MLXIPL: variants seen among roughly 807,000 people sequenced by gnomAD.
The protein encoded by MLXIPL is carbohydrate-responsive element-binding protein.
A neutral mutation model predicts 81.5 loss-of-function variants in MLXIPL; 49 were observed. The ratio of observed to expected loss-of-function variants is 0.60; its 90% CI spans 0.48 to 0.76. MLXIPL has a LOEUF of 0.76. MLXIPL is among the 30% of genes least tolerant of loss of function. The probability of loss-of-function intolerance (pLI) is 0.00; values close to 1 mark genes in which losing one functional copy is unlikely to be tolerated. For synonymous variants in MLXIPL, 466 were observed against 485.5 expected (o/e 0.96, Z 0.53); for missense variants, 1,053 against 1,167.0 (o/e 0.90, Z 1.42).
At chr7:73,595,600 C>T (rs1554593328) in intron 15 of MLXIPL, 37 bp downstream of exon 15, 2 of 1,613,930 alleles carry the variant, frequency 1.2e-6, no homozygotes, top group Non-Finnish European at 1.7e-6. Context: ...TGCCACAGCC[C>T]CTGCAGCCCC....
At chr7:73,637,994 A>G in the MLXIPL span, among the ~76,000 whole-genome samples, 1 of 152,036 alleles carries the variant, frequency 6.6e-6, no homozygotes, top group Non-Finnish European at 1.5e-5. Context: ...ATCCTTCTCT[A>G]TGTTCTTCCT....
chr7:73,593,448 C>G lies in MLXIPL; in HGVS notation c.*417G>C. Reference sequence around the variant, plus strand: ...TCAGGAACAGAGGTCTGTGCCCCACCTGTCGGGGAGCAAGTGGAGGTGACA... The same window carrying G: ...TCAGGAACAGAGGTCTGTGCCCCACGTGTCGGGGAGCAAGTGGAGGTGACA... On this transcript the variant is annotated 3_prime_UTR_variant, in exon 17 of 17. Coordinates refer to ENST00000313375, the MANE Select transcript of MLXIPL (RefSeq NM_032951.3). 1.0e-5 allele frequency: 3 copies of G among 294,058 alleles called. No individual in the cohort carries two copies. The East Asian group carries it at 2.6e-4, about 25-fold the overall frequency. The allele number at this position is 294,058 out of a possible 1,614,324, so 18.2% of individuals were successfully genotyped here.
At chr7:73,624,523 G>T, upstream of MLXIPL, 1 of 1,509,698 alleles carries the variant, frequency 6.6e-7, no homozygotes. Context: ...CCTGGTCCCT[G>T]CTCCGCGCAG....
chr7:73,594,425 G>A (rs1554592983), intron 15 of MLXIPL, 22 bp from the exon 16 acceptor site: 1 of 1,599,760 alleles, frequency 6.3e-7, no homozygotes, highest in East Asian at 2.2e-5. Context: ...TCAAGGAGCT[G>A]CCTGTGGTCC....
In MLXIPL at chr7:73,609,554, T is replaced by TTGTGTGTGTGTGTGTGTGTG. The variant is rs34460340; in HGVS notation, c.401-1902_401-1883dup. ...GCCACCTCACCGGGCCCTGGCCGCTTTGTGTGTGTGTGTGTGTGTGTGTGT... is the reference window on the plus strand; with the variant it reads ...GCCACCTCACCGGGCCCTGGCCGCTTTGTGTGTGTGTGTGTGTGTGTGTGTGTGTGTGTGTGTGTGTGTGT... On this transcript the variant is annotated intron_variant, in intron 2 of 16. Coordinates refer to ENST00000313375, the MANE Select transcript of MLXIPL (RefSeq NM_032951.3). The TTGTGTGTGTGTGTGTGTGTG allele has an allele frequency of 4.7e-4, 68 of 145,628 alleles. 1 individual carries two copies. The highest frequency in any genetic ancestry group is 1.7e-3 in the African/African-American group (67 of 39,268). The allele number at this position is 145,628 out of a possible 1,614,324, so 9.0% of individuals were successfully genotyped here.
rs868936350 is a variant in MLXIPL, at chr7:73,597,176, C to T, written c.1603+6G>A. 3.1e-6 allele frequency: 5 copies of T among 1,600,004 alleles called. No homozygotes were observed. The highest frequency in any genetic ancestry group is 4.3e-6 in the Non-Finnish European group (5 of 1,175,896). On this transcript the variant is annotated splice_donor_region_variant and intron_variant, in intron 9 of 16. Transcript: ENST00000313375. ...AGGCTTTCCTCTCCCCGTTGCTGGC[C>T]CTCACCTGCTGTGAGCAGCTGTGTG... is the stretch of plus-strand genomic sequence containing the variant.
At chr7:73,601,052 G>T (rs1554596075) in intron 7 of MLXIPL, among the ~76,000 whole-genome samples, 3 of 151,680 alleles carry the variant, frequency 2.0e-5, no homozygotes, top group African/African-American at 7.3e-5. Flanking sequence ...CCAGCTCCCA[G>T]TTTTTTCCCT....
chr7:73,639,698 C>T, the MLXIPL span, among the ~76,000 whole-genome samples: 1 of 152,058 alleles, frequency 6.6e-6, no homozygotes, highest in African/African-American at 2.4e-5. Context: ...ATAGTAAATG[C>T]CAGCTCTCAT....
chr7:73,622,681 AAC>A (rs1796458309), intron 1 of MLXIPL, among the ~76,000 whole-genome samples: 1 of 150,730 alleles, frequency 6.6e-6, no homozygotes, highest in South Asian at 2.1e-4. Context: ...TTGGGAAGAA[AAC>A]ACAGTCCTCT....
At chr7:73,612,617 G>A (rs1405406059) in intron 2 of MLXIPL, among the ~76,000 whole-genome samples, 1 of 149,824 alleles carries the variant, frequency 6.7e-6, no homozygotes, top group African/African-American at 2.5e-5. Flanking sequence ...ACTCCAGCCT[G>A]AGCAACAGAG....
chr7:73,607,585 GCTA>G lies in MLXIPL; in HGVS notation c.483+2_483+4del, dbSNP rs1480809342. 6.2e-7 allele frequency: 1 copy of G among 1,612,490 alleles called. No individual in the cohort carries two copies. The highest frequency in any genetic ancestry group is 8.5e-7 in the Non-Finnish European group (1 of 1,179,930). ...AGGTGGGCAGGCGGTCCAGAACCCA[GCTA>G]CCTCCGGCTTCCGGTGCGCATCAGC... is the stretch of plus-strand genomic sequence containing the variant. On this transcript the variant is annotated splice_donor_variant and splice_donor_region_variant and intron_variant, in intron 3 of 16. Transcript: ENST00000313375. LOFTEE classifies it high-confidence loss of function.
the MLXIPL span, among the ~76,000 whole-genome samples, chr7:73,645,268 C>A: frequency 6.6e-6 from 1 of 152,186 alleles, no homozygotes; most frequent in Non-Finnish European, 1.5e-5. Context: ...CCTCAAGCAA[C>A]CCTCCCACTT....
At chr7:73,634,058 CTG>C in the MLXIPL span, among the ~76,000 whole-genome samples, 1 of 152,186 alleles carries the variant, frequency 6.6e-6, no homozygotes, top group Admixed American at 6.6e-5. Context: ...GAGTCTCGAA[CTG>C]TGTCTTTAAC....
chr7:73,604,505 T>G (rs1314562753), intron 7 of MLXIPL, among the ~76,000 whole-genome samples: 2 of 151,744 alleles, frequency 1.3e-5, no homozygotes, highest in African/African-American at 4.8e-5. Context: ...CCTGGGAGGT[T>G]GAGGCTGCAG....
chr7:73,619,385 C>T (rs1181316378), intron 1 of MLXIPL, among the ~76,000 whole-genome samples: 2 of 150,568 alleles, frequency 1.3e-5, no homozygotes, highest in Non-Finnish European at 1.5e-5. Context: ...GGCGTTAACC[C>T]GGGAGGCGGA....
rs782244196 is a variant in MLXIPL, at chr7:73,624,223, G to C, written c.270C>G (p.Phe90Leu). The C allele has an allele frequency of 2.5e-6, 4 of 1,585,492 alleles. No homozygotes were observed. Among genetic ancestry groups the C allele is most frequent in the Non-Finnish European group, 3.4e-6 (4 of 1,166,032 alleles). Residue 90 changes from phenylalanine to leucine, a missense_variant, in exon 1 of 17, where the codon TTC becomes TTG. By Grantham distance (22) the Phe-to-Leu change is conservative (BLOSUM62 0). Transcript: ENST00000313375. Reference protein sequence around the residue: ...RSIDPTLTRLFECLSLAYSGK... With the variant: ...RSIDPTLTRLLECLSLAYSGK... ...ACCTGTAGGCCAGGCTCAAGCACTC[G>C]AAGAGGCGTGTGAGTGTGGGGTCGA...
In MLXIPL at chr7:73,596,335, C is replaced by T. The variant is rs1554593801; in HGVS notation, c.1938+29G>A. ...CCCAGGAGGGCCTGGGGGTAGCAAACCGATCTTGGGGTGGGGGATGGTGCC... is the reference window on the plus strand; with the variant it reads ...CCCAGGAGGGCCTGGGGGTAGCAAATCGATCTTGGGGTGGGGGATGGTGCC... On this transcript the variant is annotated intron_variant, in intron 12 of 16. Transcript: ENST00000313375. The surrounding 1 kb of genome is among the most constrained non-coding windows in gnomAD (Gnocchi z 4.7). The T allele has an allele frequency of 1.2e-6, 2 of 1,612,408 alleles. No homozygotes were observed. Among genetic ancestry groups the T allele is most frequent in the East Asian group, 2.2e-5 (1 of 44,764 alleles).
At position 73,596,339 on chromosome 7, in the gene MLXIPL, TC is replaced by T. The variant is rs1392793071; in HGVS notation, c.1938+24del. The T allele has an allele frequency of 1.3e-5, 21 of 1,610,336 alleles. No homozygotes were observed. The highest frequency in any genetic ancestry group is 1.8e-5 in the Non-Finnish European group (21 of 1,179,142). On this transcript the variant is annotated intron_variant, in intron 12 of 16. Transcript: ENST00000313375. This position sits in a 1 kb window ranked among gnomAD's most constrained non-coding sequence, Gnocchi z 4.7. ...GGAGGGCCTGGGGGTAGCAAACCGA[TC>T]TTGGGGTGGGGGATGGTGCCCACCT...
rs1346174727 is a variant in MLXIPL at position 73,623,444 on chromosome 7, G to T, written c.293+756C>A. Among the ~76,000 whole-genome samples, 1 of 152,088 alleles carries T rather than the reference G, an allele frequency of 6.6e-6. No homozygotes were observed. Among genetic ancestry groups the T allele is most frequent in the African/African-American group, 2.4e-5 (1 of 41,418 alleles). ...GCGGGGCGTGGAGCGGCAGCGGGGC[G>T]CGGCCTGTGCGCTCTCGGTGGCACT... On this transcript the variant is annotated intron_variant, in intron 1 of 16. Transcript: ENST00000313375. This position sits in a 1 kb window ranked among gnomAD's most constrained non-coding sequence, Gnocchi z 5.7.
Sources: gnomAD v4.1 joint callset for allele counts (sites outside exome capture counted in the v4.1 genomes callset) on GRCh38, gnomAD v4.1.1 for gene constraint, Gnocchi (gnomAD v3.1) non-coding constraint, MANE v1.5 for transcripts, NCBI Gene and HGNC (gene_info 2026-07-23, HGNC 2026-07-21) for gene names.